ZBTB7C: variants seen among roughly 807,000 people sequenced by gnomAD.
ZBTB7C encodes the protein zinc finger and BTB domain-containing protein 7C.
ZBTB7C carries 8 observed loss-of-function variants against 25.7 expected under a neutral mutation model. The observed-to-expected ratio is 0.31, with a 90% CI of 0.18 to 0.56. ZBTB7C has a LOEUF of 0.56. Ranked by LOEUF, ZBTB7C falls within the 20% of genes least tolerant of loss-of-function variation. ZBTB7C has a pLI of 0.91. For missense variants in ZBTB7C, 824 were observed against 855.2 expected, an observed-to-expected ratio of 0.96 and a Z score of 0.46; for synonymous variants, 394 against 369.0, an observed-to-expected ratio of 1.07 and a Z score of -0.78.
intron 3 of ZBTB7C, among the ~76,000 whole-genome samples, chr18:48,112,598 C>T (rs747597528): frequency 6.6e-6 from 1 of 152,160 alleles, no homozygotes; most frequent in Non-Finnish European, 1.5e-5. Context: ...TCTTGAACGA[C>T]TTGGCCTCCC....
intron 2 of ZBTB7C, among the ~76,000 whole-genome samples, chr18:48,272,246 T>C (rs2044515897): frequency 6.6e-6 from 1 of 152,252 alleles, no homozygotes; most frequent in Non-Finnish European, 1.5e-5. Context: ...AATGCTTTGA[T>C]GGCCAAAGTA....
At chr18:48,143,256 G>A (rs1458946324) in intron 3 of ZBTB7C, among the ~76,000 whole-genome samples, 3 of 152,118 alleles carry the variant, frequency 2.0e-5, no homozygotes, top group Non-Finnish European at 4.4e-5. Context: ...CTGCTGCAGT[G>A]GAACCTTGGC....
At chr18:48,363,439 A>C (rs1328124996) in intron 1 of ZBTB7C, among the ~76,000 whole-genome samples, 3 of 152,004 alleles carry the variant, frequency 2.0e-5, no homozygotes, top group Non-Finnish European at 4.4e-5. Flanking sequence ...AGGATAGACC[A>C]TGTTATTAAA....
intron 3 of ZBTB7C, chr18:48,185,410 G>A: frequency 2.8e-6 from 1 of 362,436 alleles, no homozygotes; most frequent in South Asian, 2.1e-5. Context: ...GCCAATGCCT[G>A]CTGCTTCTCG....
Position 48,039,944 on chromosome 18 carries a change from C to T in ZBTB7C, c.1164G>A (p.Gly388=). Residue 388 remains glycine, a synonymous_variant, in exon 4 of 5, where the codon GGG becomes GGA. Coordinates refer to ENST00000590800, the MANE Select transcript of ZBTB7C (RefSeq NM_001318841.2). ...AGATGGTGCACATGTATGGCTTCTC[C>T]CCGGTATGGGTCCTCATGTGCCGCG... The part of the protein sequence containing the change: ...KLPRHMRTHT[G]EKPYMCTICE... 1 of 1,613,822 alleles carries T rather than the reference C, an allele frequency of 6.2e-7. No individual in the cohort carries two copies.
chr18:48,321,178 G>A (rs142163727), intron 2 of ZBTB7C, among the ~76,000 whole-genome samples: 1 of 152,346 alleles, frequency 6.6e-6, no homozygotes, highest in East Asian at 1.9e-4. Flanking sequence ...TGCAGTCCAG[G>A]GTGGGGAACC....
At chr18:48,180,955 A>C (rs1295814674) in intron 3 of ZBTB7C, among the ~76,000 whole-genome samples, 1 of 152,230 alleles carries the variant, frequency 6.6e-6, no homozygotes, top group Non-Finnish European at 1.5e-5. Flanking sequence ...CAATTCTAGC[A>C]CTTACTGGCT....
At chr18:48,072,662 A>T (rs1319238636) in intron 3 of ZBTB7C, 3 of 152,218 alleles carry the variant, frequency 2.0e-5, no homozygotes, top group Non-Finnish European at 4.4e-5. Context: ...TGTGGCAGAG[A>T]TATTTTTAGG....
At chr18:48,172,563 A>G (rs1394599825) in intron 3 of ZBTB7C, among the ~76,000 whole-genome samples, 1 of 151,968 alleles carries the variant, frequency 6.6e-6, no homozygotes, top group Non-Finnish European at 1.5e-5. Flanking sequence ...GCTCTGAAGG[A>G]CGCACCCGCC....
intron 2 of ZBTB7C, among the ~76,000 whole-genome samples, chr18:48,246,215 G>C (rs1400249368): frequency 6.6e-6 from 1 of 152,080 alleles, no homozygotes; most frequent in Non-Finnish European, 1.5e-5. Flanking sequence ...CACTTTGGGA[G>C]GCTGAGGCGG....
chr18:48,191,129 C>T (rs781499256), intron 2 of ZBTB7C, among the ~76,000 whole-genome samples: 5 of 152,220 alleles, frequency 3.3e-5, no homozygotes, highest in African/African-American at 1.2e-4. Context: ...TGCACACACC[C>T]ACCTTGCAGA....
At chr18:48,326,387 T>A (rs574554172) in intron 2 of ZBTB7C, among the ~76,000 whole-genome samples, 4 of 152,264 alleles carry the variant, frequency 2.6e-5, no homozygotes, top group Admixed American at 2.6e-4. Flanking sequence ...TGAGTCACCA[T>A]GCCCGGCCTC....
chr18:48,201,378 G>A (rs576843527), intron 2 of ZBTB7C, among the ~76,000 whole-genome samples: 3 of 152,306 alleles, frequency 2.0e-5, no homozygotes, highest in Non-Finnish European at 4.4e-5. Context: ...GCCCCAGGAG[G>A]GGATTCTTTG....
intron 3 of ZBTB7C, among the ~76,000 whole-genome samples, chr18:48,073,530 GGGCAGGTACGGACA>G (rs1487469862): frequency 6.6e-6 from 1 of 152,132 alleles, no homozygotes; most frequent in East Asian, 1.9e-4. Context: ...GCAGGGGTGC[GGGCAGGTACGGACA>G]GGCTCCCAGT....
intron 1 of ZBTB7C, among the ~76,000 whole-genome samples, chr18:48,365,603 T>A (rs1467870181): frequency 6.6e-6 from 1 of 151,986 alleles, no homozygotes; most frequent in Admixed American, 6.6e-5. Context: ...GGCCTCCAGA[T>A]GAGAACCCAG....
chr18:48,269,835 CTT>C (rs903000212), intron 2 of ZBTB7C, among the ~76,000 whole-genome samples: 3 of 152,132 alleles, frequency 2.0e-5, no homozygotes, highest in African/African-American at 7.2e-5. Context: ...TTCTGAGCCT[CTT>C]TGTTAGAGAT....
intron 2 of ZBTB7C, among the ~76,000 whole-genome samples, chr18:48,278,543 C>A (rs550917043): frequency 6.6e-6 from 1 of 151,882 alleles, no homozygotes; most frequent in African/African-American, 2.4e-5. Flanking sequence ...TCAAATAATT[C>A]TCCAGCCTCC....
chr18:48,208,415 A>C (rs1484982533), intron 2 of ZBTB7C, among the ~76,000 whole-genome samples: 4 of 151,954 alleles, frequency 2.6e-5, no homozygotes, highest in Non-Finnish European at 5.9e-5. Context: ...TCTAGAAGAA[A>C]TTAATAAAAT....
intron 3 of ZBTB7C, among the ~76,000 whole-genome samples, chr18:48,123,614 A>G (rs544007735): frequency 6.6e-6 from 1 of 152,300 alleles, no homozygotes; most frequent in East Asian, 1.9e-4. Flanking sequence ...CACTCCTAAC[A>G]AACATCCTGC....
Sources: gnomAD v4.1 joint callset for allele counts (sites outside exome capture counted in the v4.1 genomes callset) on GRCh38, gnomAD v4.1.1 for gene constraint, MANE v1.5 for transcripts, NCBI Gene and HGNC (gene_info 2026-07-23, HGNC 2026-07-21) for gene names.